Variants in RADX observed in about 807,000 individuals in gnomAD.
RADX encodes RPA-related protein RADX.
RADX carries 36 observed loss-of-function variants against 61.6 expected under a neutral mutation model. The ratio of observed to expected loss-of-function variants is 0.58; its 90% CI spans 0.45 to 0.77. The LOEUF is 0.77. Ranked by LOEUF, RADX falls within the 30% of genes least tolerant of loss-of-function variation. The pLI is 0.00. For missense variants in RADX, 497 were observed against 651.1 expected, an observed-to-expected ratio of 0.76 and a Z score of 2.58; for synonymous variants, 272 against 237.9, an observed-to-expected ratio of 1.14 and a Z score of -1.32.
At chrX:106,657,227 A>G (rs1205789555) in intron 11 of RADX, among the ~76,000 whole-genome samples, 6 of 112,047 alleles carry the variant, frequency 5.4e-5, no homozygotes, top group Non-Finnish European at 9.4e-5. Context: ...CTAGCTTCCA[A>G]CTTTTCTTCT....
chrX:106,638,063 G>T, intron 8 of RADX, 139 bp downstream of exon 8: 1 of 474,942 alleles, frequency 2.1e-6, no homozygotes. Flanking sequence ...TAATAGCTTT[G>T]TCTTAATGCA....
At chrX:106,628,871 G>T (rs1388147428) in intron 3 of RADX, among the ~76,000 whole-genome samples, 1 of 111,189 alleles carries the variant, frequency 9.0e-6, no homozygotes, top group Non-Finnish European at 1.9e-5. Flanking sequence ...CTGACCTCAA[G>T]TGATCCACCC....
intron 13 of RADX, among the ~76,000 whole-genome samples, chrX:106,672,246 G>A (rs1928383216): frequency 9.0e-6 from 1 of 111,428 alleles, no homozygotes; most frequent in African/African-American, 3.3e-5. Flanking sequence ...TTTCCAAAAC[G>A]TTTTCATCAT....
intron 1 of RADX, among the ~76,000 whole-genome samples, chrX:106,614,666 A>C (rs1283490421): frequency 9.0e-6 from 1 of 111,587 alleles, no homozygotes; most frequent in Non-Finnish European, 1.9e-5. Flanking sequence ...ATATCTTACT[A>C]TTTTTAAATA....
At chrX:106,646,996 A>G (rs1045690733) in intron 10 of RADX, among the ~76,000 whole-genome samples, 11 of 111,201 alleles carry the variant, frequency 9.9e-5, no homozygotes, top group African/African-American at 3.6e-4. Context: ...ATTAAATTAC[A>G]CAGTCTTTTA....
chrX:106,641,647 C>T (rs180899866), intron 10 of RADX, among the ~76,000 whole-genome samples: 256 of 111,163 alleles, frequency 2.3e-3, no homozygotes, highest in African/African-American at 7.8e-3. Flanking sequence ...TTATTCTCTT[C>T]GCCACAGTCT....
intron 1 of RADX, among the ~76,000 whole-genome samples, chrX:106,615,053 A>G (rs772842648): frequency 2.2e-4 from 25 of 111,357 alleles, no homozygotes; most frequent in Non-Finnish European, 4.3e-4. Flanking sequence ...TTAAAAATAG[A>G]AGTTAGCCTG....
At chrX:106,668,053 T>C (rs1214101975) in intron 12 of RADX, among the ~76,000 whole-genome samples, 1 of 111,869 alleles carries the variant, frequency 8.9e-6, no homozygotes, top group Non-Finnish European at 1.9e-5. Flanking sequence ...ATTATTTCAA[T>C]TTATGGCTAC....
intron 12 of RADX, among the ~76,000 whole-genome samples, chrX:106,663,366 C>A (rs1351244315): frequency 9.0e-6 from 1 of 111,580 alleles, no homozygotes; most frequent in Non-Finnish European, 1.9e-5. Context: ...CTCCATTAGA[C>A]AATCACAGAC....
chrX:106,627,893 T>C (rs1045946228), intron 3 of RADX, among the ~76,000 whole-genome samples: 3 of 111,891 alleles, frequency 2.7e-5, no homozygotes, highest in Non-Finnish European at 5.6e-5. Flanking sequence ...TGGAGTGCAG[T>C]TGTGCAATCT....
At chrX:106,674,055 T>C (rs1253283601) in intron 13 of RADX, among the ~76,000 whole-genome samples, 1 of 111,224 alleles carries the variant, frequency 9.0e-6, no homozygotes, top group African/African-American at 3.3e-5. Context: ...TATTGGTGAT[T>C]CAGGAGTGTT....
intron 11 of RADX, among the ~76,000 whole-genome samples, chrX:106,652,549 A>C (rs1927819412): frequency 9.1e-6 from 1 of 110,371 alleles, no homozygotes; most frequent in African/African-American, 3.3e-5. Flanking sequence ...CTAAGAATAC[A>C]GTAACAATCA....
intron 12 of RADX, among the ~76,000 whole-genome samples, chrX:106,666,513 C>T (rs1405360143): frequency 8.9e-6 from 1 of 111,756 alleles, no homozygotes; most frequent in East Asian, 2.8e-4. Flanking sequence ...GTAGCATACC[C>T]CAGAAGTAGA....
intron 6 of RADX, 123 bp downstream of exon 6, chrX:106,633,375 G>A: frequency 1.9e-6 from 1 of 535,648 alleles, no homozygotes; most frequent in Non-Finnish European, 3.0e-6. Flanking sequence ...CAGTCTGACA[G>A]CATGTTTAAA....
intron 8 of RADX, 180 bp downstream of exon 8, chrX:106,638,104 T>C: frequency 4.9e-6 from 2 of 406,558 alleles, no homozygotes; most frequent in Non-Finnish European, 8.5e-6. Flanking sequence ...GTATTTTCTA[T>C]ATAGTTTTCC....
At chrX:106,659,418 G>T (rs1402545379) in intron 11 of RADX, among the ~76,000 whole-genome samples, 1 of 111,387 alleles carries the variant, frequency 9.0e-6, no homozygotes, top group African/African-American at 3.3e-5. Context: ...TTAAAACATT[G>T]AACCAATCTC....
At chrX:106,639,505 A>G (rs1328000678) in intron 8 of RADX, 22 bp from the exon 9 acceptor site, 2 of 1,151,139 alleles carry the variant, frequency 1.7e-6, no homozygotes, top group Admixed American at 2.8e-5. Context: ...AAAACTTACA[A>G]TTTTCTTGGA....
intron 2 of RADX, among the ~76,000 whole-genome samples, chrX:106,623,604 C>T (rs1174105250): frequency 3.6e-5 from 4 of 110,292 alleles, no homozygotes; most frequent in African/African-American, 1.3e-4. Context: ...TACACATATA[C>T]AAGCATATCA....
At chrX:106,648,720 C>T (rs988786892) in intron 11 of RADX, among the ~76,000 whole-genome samples, 2 of 110,855 alleles carry the variant, frequency 1.8e-5, no homozygotes, top group African/African-American at 6.5e-5. Context: ...ATTGTATCTT[C>T]TTTCTTTGCT....
Sources: gnomAD v4.1 joint callset for allele counts (sites outside exome capture counted in the v4.1 genomes callset) on GRCh38, gnomAD v4.1.1 for gene constraint, MANE v1.5 for transcripts, NCBI Gene and HGNC (gene_info 2026-07-23, HGNC 2026-07-21) for gene names.